CRIM1: variants seen among roughly 807,000 people sequenced by gnomAD.
The protein encoded by CRIM1 is cysteine-rich motor neuron 1 protein.
CRIM1 carries 32 observed loss-of-function variants against 116.4 expected under a neutral mutation model. The observed-to-expected ratio is 0.27, with a 90% confidence interval of 0.21 to 0.37. CRIM1 has a LOEUF of 0.37. CRIM1 is among the 10% of genes least tolerant of loss of function. The probability of loss-of-function intolerance (pLI) is 1.00; values close to 1 mark genes in which losing one functional copy is unlikely to be tolerated. For missense variants in CRIM1, 1,331 were observed against 1,354.8 expected, an observed-to-expected ratio of 0.98 and a Z score of 0.28; for synonymous variants, 590 against 509.2, an observed-to-expected ratio of 1.16 and a Z score of -2.13.
At chr2:36,421,822 C>CT (rs1245966246) in intron 2 of CRIM1, among the ~76,000 whole-genome samples, 2 of 151,946 alleles carry the variant, frequency 1.3e-5, no homozygotes, top group African/African-American at 2.4e-5. Flanking sequence ...TCCTTCTTTC[C>CT]TTTTTTTATT....
rs148672752 is a variant in CRIM1, at chr2:36,454,359, T to TC, written c.870-10174dup. On this transcript the variant is annotated intron_variant, in intron 4 of 16. Transcript: ENST00000280527. Reference sequence around the variant, plus strand: ...TTTCACAAACTGCCACTCACACCCCTCACCACCACCACACACAAACACACA... The same window carrying TC: ...TTTCACAAACTGCCACTCACACCCCTCCACCACCACCACACACAAACACACA... 7.1e-4 allele frequency among the ~76,000 whole-genome samples: 108 copies of TC among 152,264 alleles called. 1 individual carries two copies. The highest frequency in any genetic ancestry group is 6.8e-3 in the Middle Eastern group (2 of 294).
chr2:36,542,318 TCACTGAA>T (rs1256099719), intron 14 of CRIM1, among the ~76,000 whole-genome samples: 7 of 152,216 alleles, frequency 4.6e-5, no homozygotes, highest in African/African-American at 1.7e-4. Flanking sequence ...ATACAATTAA[TCACTGAA>T]GAAGACATCC....
At chr2:36,395,101 G>C (rs1008944388) in intron 1 of CRIM1, among the ~76,000 whole-genome samples, 5 of 145,254 alleles carry the variant, frequency 3.4e-5, no homozygotes, top group Non-Finnish European at 5.9e-5. Context: ...GACAACCTCT[G>C]CTTCTCTGTT....
chr2:36,363,946 T>G (rs1669419600), intron 1 of CRIM1, among the ~76,000 whole-genome samples: 1 of 152,222 alleles, frequency 6.6e-6, no homozygotes, highest in South Asian at 2.1e-4. Context: ...TTTTTCTAGC[T>G]CTACCTGTTC....
chr2:36,419,445 C>T (rs1572690272), intron 2 of CRIM1, among the ~76,000 whole-genome samples: 1 of 152,182 alleles, frequency 6.6e-6, no homozygotes, highest in East Asian at 1.9e-4. Context: ...CATTTTATTG[C>T]CGCTTGAAAT....
Position 36,356,762 on chromosome 2 carries a change from A to G in CRIM1, c.331+139A>G. The G allele has an allele frequency of 1.2e-6, 1 of 801,394 alleles. No homozygotes were observed. Among genetic ancestry groups the G allele is most frequent in the Non-Finnish European group, 1.9e-6 (1 of 520,156 alleles). 49.6% of individuals were successfully genotyped at this position (801,394 alleles called of 1,614,324 possible). A position where few individuals can be genotyped will look rare whatever the true frequency, so the allele number is the denominator to read the frequency against. The stretch of plus-strand genomic sequence containing the variant: ...AAGAGGGGCGGCCGCCGCCCCCAGG[A>G]GAGTGCCCCCGCGGCCCTGCGTTCC... On this transcript the variant is annotated intron_variant, in intron 1 of 16. Transcript: ENST00000280527. The surrounding 1 kb of genome is among the most constrained non-coding windows in gnomAD (Gnocchi z 4.3).
intron 1 of CRIM1, chr2:36,379,008 T>G (rs1219320522): frequency 6.6e-6 from 1 of 152,238 alleles, no homozygotes; most frequent in Non-Finnish European, 1.5e-5. Context: ...GTAAAAATCC[T>G]TTTTATGGAG....
chr2:36,498,712 A>C lies in CRIM1; in HGVS notation c.1373-507A>C, dbSNP rs999918349. ...CCATAAGTGAGGGAGTGCCACATAAAAGATAAAAGAAATCCAGGTGTTTTA... is the reference window on the plus strand; with the variant it reads ...CCATAAGTGAGGGAGTGCCACATAACAGATAAAAGAAATCCAGGTGTTTTA... On this transcript the variant is annotated intron_variant, in intron 7 of 16. Coordinates refer to ENST00000280527, the MANE Select transcript of CRIM1 (RefSeq NM_016441.3). Among the ~76,000 whole-genome samples the C allele has an allele frequency of 4.6e-4, 70 of 152,186 alleles. 1 individual carries two copies. The highest frequency in any genetic ancestry group is 7.9e-4 in the Admixed American group (12 of 15,274).
chr2:36,535,526 T>G (rs906113701), intron 13 of CRIM1, among the ~76,000 whole-genome samples: 12 of 152,196 alleles, frequency 7.9e-5, no homozygotes, highest in Admixed American at 2.0e-4. Flanking sequence ...TGATTACAAC[T>G]AGAACTTTCC....
chr2:36,422,630 T>G (rs1213013860), intron 2 of CRIM1, among the ~76,000 whole-genome samples: 1 of 152,228 alleles, frequency 6.6e-6, no homozygotes, highest in African/African-American at 2.4e-5. Context: ...ACTATGTTTT[T>G]GCTTCCTTAA....
At chr2:36,502,812 T>C (rs1681093650) in intron 8 of CRIM1, among the ~76,000 whole-genome samples, 1 of 152,240 alleles carries the variant, frequency 6.6e-6, no homozygotes, top group South Asian at 2.1e-4. Flanking sequence ...GCTCAGCAGA[T>C]ACTGGCTGAG....
Position 36,464,671 on chromosome 2 carries a change from C to T in CRIM1, c.991+16C>T. 1.9e-6 allele frequency: 3 copies of T among 1,613,578 alleles called. No homozygotes were observed. The highest frequency in any genetic ancestry group is 2.5e-6 in the Non-Finnish European group (3 of 1,179,602). On this transcript the variant is annotated intron_variant, in intron 5 of 16. Coordinates refer to ENST00000280527, the MANE Select transcript of CRIM1 (RefSeq NM_016441.3). ...TGTGTTAATGGTACGTGGGGTTTCTCTTGTTCTCAGAGAGTGTACATTTGT... is the reference window on the plus strand; with the variant it reads ...TGTGTTAATGGTACGTGGGGTTTCTTTTGTTCTCAGAGAGTGTACATTTGT...
intron 1 of CRIM1, among the ~76,000 whole-genome samples, chr2:36,371,307 T>C (rs979070503): frequency 5.9e-5 from 9 of 152,126 alleles, no homozygotes; most frequent in East Asian, 3.8e-4. Flanking sequence ...TCCCCTGTTA[T>C]AGCACTTTTC....
intron 7 of CRIM1, among the ~76,000 whole-genome samples, chr2:36,491,695 C>T (rs950660874): frequency 6.6e-6 from 1 of 152,108 alleles, no homozygotes; most frequent in Non-Finnish European, 1.5e-5. Context: ...AACGTGCAGA[C>T]CCTTCCTCCC....
Position 36,513,698 on chromosome 2 carries a change from C to T in CRIM1, c.1923C>T (p.Ile641=), listed in dbSNP as rs779154372. 1.5e-5 allele frequency: 25 copies of T among 1,614,094 alleles called. No homozygotes were observed. In the East Asian group the frequency reaches 2.2e-4, roughly 14 times the overall value. The stretch of plus-strand genomic sequence containing the variant: ...ATGGACGGGAAATGTGTGCCCTGAT[C>T]ACCTGCCCGGTGCCTGCCTGTGGCA... ...CLNGREMCAL[I]TCPVPACGNP... The change falls in exon 11 of 17, where the codon ATC becomes ATT. Residue 641 remains isoleucine (I), a synonymous_variant. Coordinates refer to ENST00000280527, the MANE Select transcript of CRIM1 (RefSeq NM_016441.3).
At chr2:36,508,331 CA>C (rs2125103516) in intron 8 of CRIM1, among the ~76,000 whole-genome samples, 1 of 152,290 alleles carries the variant, frequency 6.6e-6, no homozygotes, top group Non-Finnish European at 1.5e-5. Flanking sequence ...CTGAGATTCA[CA>C]AAAGATGCTA....
chr2:36,526,421 T>G (rs1272333260), intron 13 of CRIM1, among the ~76,000 whole-genome samples: 2 of 152,240 alleles, frequency 1.3e-5, no homozygotes, highest in South Asian at 2.1e-4. Flanking sequence ...AAGAGTGTAC[T>G]CGTTTCTAAA....
chr2:36,449,562 G>A (rs924682167), intron 4 of CRIM1, among the ~76,000 whole-genome samples: 1 of 152,222 alleles, frequency 6.6e-6, no homozygotes, highest in African/African-American at 2.4e-5. Flanking sequence ...TTCGGCATGA[G>A]TTTGGGTGAG....
rs117285411 is a variant in CRIM1, at chr2:36,387,069, A to G, written c.332-9545A>G. 1.0e-3 allele frequency among the ~76,000 whole-genome samples: 154 copies of G among 152,338 alleles called. No homozygotes were observed. The East Asian group carries it at 0.025, about 25-fold the overall frequency. On this transcript the variant is annotated intron_variant, in intron 1 of 16. Coordinates refer to ENST00000280527, the MANE Select transcript of CRIM1 (RefSeq NM_016441.3). ...CCATGCCGGGTACTCAAATGACTGC[A>G]TGTTGGACTTCATTTTGTAGACCAT...
Sources: gnomAD v4.1 joint callset for allele counts (sites outside exome capture counted in the v4.1 genomes callset) on GRCh38, gnomAD v4.1.1 for gene constraint, Gnocchi (gnomAD v3.1) non-coding constraint, MANE v1.5 for transcripts, NCBI Gene and HGNC (gene_info 2026-07-23, HGNC 2026-07-21) for gene names.